Variants in NEK10 observed in about 807,000 individuals in gnomAD.
NEK10 encodes serine/threonine-protein kinase Nek10.
A neutral mutation model predicts 159.8 loss-of-function variants in NEK10; 122 were observed. That is an observed-to-expected ratio of 0.76 (90% CI 0.66 to 0.89). NEK10 has a LOEUF of 0.89. Ranked by LOEUF, NEK10 falls within the 40% of genes least tolerant of loss-of-function variation. NEK10 has a pLI of 0.00. For missense variants in NEK10, 1,342 were observed against 1,323.1 expected (o/e 1.01, Z -0.22); for synonymous variants, 466 against 457.1 (o/e 1.02, Z -0.25).
chr3:27,352,889 A>G lies in NEK10; in HGVS notation c.-7T>C. 1.3e-6 allele frequency: 2 copies of G among 1,591,108 alleles called. No homozygotes were observed. Among genetic ancestry groups the G allele is most frequent in the African/African-American group, 1.3e-5 (1 of 74,512 alleles). ...TTTTATCTTGATCAGGCATTGTAAA[A>G]CATCAATGCCCCAGAATTAACATCG... On this transcript the variant is annotated 5_prime_UTR_variant, in exon 2 of 36. Coordinates refer to ENST00000691995, the MANE Select transcript of NEK10 (RefSeq NM_001394966.1).
At chr3:27,299,130 C>A (rs1041953760) in intron 13 of NEK10, among the ~76,000 whole-genome samples, 1 of 152,174 alleles carries the variant, frequency 6.6e-6, no homozygotes, top group South Asian at 2.1e-4. Context: ...ACCTTTGTGG[C>A]AGTCCCTCCC....
chr3:27,167,927 GT>G (rs1458217478), intron 29 of NEK10, among the ~76,000 whole-genome samples: 1 of 152,152 alleles, frequency 6.6e-6, no homozygotes, highest in Non-Finnish European at 1.5e-5. Flanking sequence ...GTATCCATTT[GT>G]CTGGCTCATT....
At chr3:27,300,158 G>A (rs2043690421) in intron 13 of NEK10, among the ~76,000 whole-genome samples, 1 of 152,228 alleles carries the variant, frequency 6.6e-6, no homozygotes, top group Admixed American at 6.5e-5. Context: ...CAATTTTCAT[G>A]TGTCATGGGA....
intron 7 of NEK10, 52 bp downstream of exon 7, chr3:27,314,245 T>G (rs2044967526): frequency 2.2e-6 from 3 of 1,345,244 alleles, no homozygotes; most frequent in Non-Finnish European, 2.1e-6. Flanking sequence ...TTCTTGCTCA[T>G]AGCAGGCACA....
intron 31 of NEK10, among the ~76,000 whole-genome samples, chr3:27,138,160 C>T (rs1943414262): frequency 6.6e-6 from 1 of 152,124 alleles, no homozygotes; most frequent in Non-Finnish European, 1.5e-5. Context: ...GGTGCTAACC[C>T]CCAGTCAAAT....
intron 23 of NEK10, among the ~76,000 whole-genome samples, chr3:27,245,017 C>A (rs1484649692): frequency 2.0e-5 from 3 of 152,138 alleles, no homozygotes; most frequent in Non-Finnish European, 4.4e-5. Context: ...TCACTCAACC[C>A]TAAAGTACCA....
chr3:27,367,581 C>T (rs906798125), intron 1 of NEK10: 1 of 152,154 alleles, frequency 6.6e-6, no homozygotes, highest in Non-Finnish European at 1.5e-5. Flanking sequence ...AATAAAGATA[C>T]CATGGCAAAC....
intron 23 of NEK10, among the ~76,000 whole-genome samples, chr3:27,253,397 T>G (rs1203257491): frequency 6.6e-6 from 1 of 152,146 alleles, no homozygotes; most frequent in East Asian, 1.9e-4. Flanking sequence ...GAGGAAGACA[T>G]AGAGATAAAA....
intron 5 of NEK10, among the ~76,000 whole-genome samples, chr3:27,329,920 C>T (rs188132696): frequency 6.6e-6 from 1 of 152,254 alleles, no homozygotes; most frequent in East Asian, 1.9e-4. Flanking sequence ...CCCTTGGTAT[C>T]CTCAGGAGTT....
intron 22 of NEK10, among the ~76,000 whole-genome samples, chr3:27,271,022 C>A (rs1326663991): frequency 2.0e-5 from 3 of 151,988 alleles, no homozygotes; most frequent in Non-Finnish European, 4.4e-5. Flanking sequence ...TATGAAAGAT[C>A]CATGAGAGGA....
chr3:27,165,284 C>T (rs1418074642), intron 29 of NEK10, among the ~76,000 whole-genome samples: 1 of 152,126 alleles, frequency 6.6e-6, no homozygotes, highest in Non-Finnish European at 1.5e-5. Flanking sequence ...CAAAATAGAA[C>T]AGACTCATTG....
chr3:27,312,112 C>T lies in NEK10; in HGVS notation c.555G>A (p.Leu185=), dbSNP rs762060967. The T allele has an allele frequency of 1.9e-5, 31 of 1,610,840 alleles. No individual in the cohort carries two copies. The highest frequency in any genetic ancestry group is 5.1e-6 in the Non-Finnish European group (6 of 1,177,664). The change falls in exon 8 of 36, where the codon CTG becomes CTA. Residue 185 remains leucine, a synonymous_variant. Coordinates refer to ENST00000691995, the MANE Select transcript of NEK10 (RefSeq NM_001394966.1). ...YGEEQHTVDK[L]VNMTYIFQKL... ...AATAACACTTACATGTCATGTTGACCAGCTTGTCCACAGTGTGCTGCTCTT... is the reference window on the plus strand; with the variant it reads ...AATAACACTTACATGTCATGTTGACTAGCTTGTCCACAGTGTGCTGCTCTT...
At chr3:27,175,075 T>C (rs1947375257) in intron 26 of NEK10, among the ~76,000 whole-genome samples, 1 of 152,154 alleles carries the variant, frequency 6.6e-6, no homozygotes, top group Admixed American at 6.5e-5. Context: ...GAGTGTTCAG[T>C]AGAAAAGGCC....
At chr3:27,128,008 T>C (rs1942167576) in intron 32 of NEK10, among the ~76,000 whole-genome samples, 2 of 152,156 alleles carry the variant, frequency 1.3e-5, no homozygotes, top group Non-Finnish European at 1.5e-5. Flanking sequence ...ACATGTTCTG[T>C]TGTCCCCTTA....
At chr3:27,294,868 C>T (rs1369959668) in intron 15 of NEK10, among the ~76,000 whole-genome samples, 3 of 152,114 alleles carry the variant, frequency 2.0e-5, no homozygotes, top group Non-Finnish European at 4.4e-5. Context: ...TGCCAATACC[C>T]ACTCCTCAAA....
At chr3:27,255,245 T>C (rs1357205783) in intron 23 of NEK10, 2 of 414,176 alleles carry the variant, frequency 4.8e-6, no homozygotes, top group Non-Finnish European at 9.7e-6. Flanking sequence ...CATATAAGCT[T>C]GCAGCTTACA....
intron 30 of NEK10, among the ~76,000 whole-genome samples, chr3:27,143,913 T>C (rs930081798): frequency 1.4e-4 from 22 of 152,216 alleles, no homozygotes; most frequent in Non-Finnish European, 2.6e-4. Flanking sequence ...TGATCAGCAT[T>C]TTGAAAAATG....
intron 22 of NEK10, among the ~76,000 whole-genome samples, chr3:27,265,973 A>G (rs13063289): frequency 0.16 from 23,922 of 151,438 alleles, 2,082 homozygotes; most frequent in Non-Finnish European, 0.2. Context: ...CGCCCGGCTA[A>G]TTTTTTTGTA....
rs755573010 is a variant in NEK10, at chr3:27,304,871, A to C, written c.904T>G (p.Ser302Ala). Residue 302 changes from serine (S) to alanine (A), a missense_variant, in exon 12 of 36, where the codon TCT becomes GCT. Transcript: ENST00000691995. ...CTCCAGAGGAGCTTCAAGTGGTCAG[A>C]GTGGAGCAGACTGAGGAGGACCGGT... Reference protein sequence around the residue: ...GIPVLLSLLHSDHLKLLWSIV... With the variant: ...GIPVLLSLLHADHLKLLWSIV... The C allele has an allele frequency of 3.1e-6, 5 of 1,613,334 alleles. No homozygotes were observed. Among genetic ancestry groups the C allele is most frequent in the Non-Finnish European group, 4.2e-6 (5 of 1,179,300 alleles).
Sources: allele counts gnomAD v4.1 joint callset (sites outside exome capture counted in the v4.1 genomes callset), GRCh38; gene constraint gnomAD v4.1.1; transcripts MANE v1.5; gene names NCBI Gene and HGNC (gene_info 2026-07-23, HGNC 2026-07-21).